The following CLYBL variants were observed in gnomAD, a reference collection of about 807,000 sequenced individuals.
The protein encoded by CLYBL is citramalyl-CoA lyase, mitochondrial.
Under a neutral mutation model 38.9 loss-of-function variants are expected in CLYBL, and 31 were observed. That is an observed-to-expected ratio of 0.80 (90% CI 0.60 to 1.08). CLYBL has a LOEUF of 1.08. Among genes scored for constraint, CLYBL ranks in the 50% least tolerant of loss-of-function variants. The probability of loss-of-function intolerance (pLI) is 0.00; values close to 1 mark genes in which losing one functional copy is unlikely to be tolerated. For synonymous variants in CLYBL, 171 were observed against 158.6 expected (o/e 1.08, Z -0.59); for missense variants, 434 against 411.6 (o/e 1.05, Z -0.47).
intron 2 of CLYBL, among the ~76,000 whole-genome samples, chr13:99,790,769 G>A (rs1249597712): frequency 6.6e-6 from 1 of 152,140 alleles, no homozygotes; most frequent in African/African-American, 2.4e-5. Context: ...TCAGGCAGTG[G>A]CACAACTGGA....
At chr13:99,907,880 T>C (rs912620213) in intron 9 of CLYBL, among the ~76,000 whole-genome samples, 2 of 152,170 alleles carry the variant, frequency 1.3e-5, no homozygotes, top group African/African-American at 4.8e-5. Flanking sequence ...TGGTTTCATA[T>C]GATTTGAAAC....
At chr13:99,884,666 G>A (rs545535949) in intron 7 of CLYBL, among the ~76,000 whole-genome samples, 3 of 152,194 alleles carry the variant, frequency 2.0e-5, no homozygotes, top group Admixed American at 6.5e-5. Flanking sequence ...GCCTGCTGTC[G>A]TAAGTCCCTG....
At chr13:99,689,371 CACAG>C in intron 1 of CLYBL, among the ~76,000 whole-genome samples, 1 of 152,192 alleles carries the variant, frequency 6.6e-6, no homozygotes, top group Non-Finnish European at 1.5e-5. Flanking sequence ...TTCTTGCAAT[CACAG>C]ACAGGTTGTC....
chr13:99,807,761 A>T (rs2050260585), intron 2 of CLYBL, among the ~76,000 whole-genome samples: 1 of 152,156 alleles, frequency 6.6e-6, no homozygotes, highest in Admixed American at 6.5e-5. Context: ...GCCAGTGTAC[A>T]CTCTAAAGGG....
chr13:99,811,548 A>G (rs183254026), intron 2 of CLYBL, among the ~76,000 whole-genome samples: 4 of 152,266 alleles, frequency 2.6e-5, no homozygotes, highest in Non-Finnish European at 5.9e-5. Context: ...GAAGCTGAGA[A>G]GCGGCTGGAG....
In CLYBL at chr13:99,622,202, G is replaced by A. The variant is rs368662265; in HGVS notation, c.62+15445G>A. Among the ~76,000 whole-genome samples the A allele has an allele frequency of 2.5e-4, 38 of 152,306 alleles. No individual in the cohort carries two copies. The South Asian group carries it at 7.5e-3, about 30-fold the overall frequency. On this transcript the variant is annotated intron_variant, in intron 1 of 8. Coordinates refer to ENST00000339105, the MANE Select transcript of CLYBL (RefSeq NM_206808.5). ...CCCACCTGGATAACCAGGGCCAGTC[G>A]CCCCAACTCAGGGTCAGCTGATTAG...
intron 1 of CLYBL, among the ~76,000 whole-genome samples, chr13:99,741,597 A>G (rs1184149125): frequency 6.6e-6 from 1 of 152,234 alleles, no homozygotes; most frequent in African/African-American, 2.4e-5. Context: ...CGCCGCCCAG[A>G]CAAGAGTGCA....
chr13:99,907,748 A>G (rs1252106075), intron 9 of CLYBL, among the ~76,000 whole-genome samples: 2 of 152,160 alleles, frequency 1.3e-5, no homozygotes, highest in African/African-American at 4.8e-5. Context: ...AGTCCCAGCT[A>G]CTCAGGAGAC....
chr13:99,745,223 A>G (rs1338139935), intron 1 of CLYBL, among the ~76,000 whole-genome samples: 3 of 152,374 alleles, frequency 2.0e-5, no homozygotes, highest in East Asian at 3.9e-4. Flanking sequence ...AAATGGAATT[A>G]AGTCACAAAT....
chr13:99,688,732 TG>T (rs920153576), intron 1 of CLYBL, among the ~76,000 whole-genome samples: 2 of 152,254 alleles, frequency 1.3e-5, no homozygotes, highest in African/African-American at 4.8e-5. Flanking sequence ...CTGCATGGAA[TG>T]GAGGATCTGA....
intron 1 of CLYBL, among the ~76,000 whole-genome samples, chr13:99,656,564 C>T (rs1402637745): frequency 1.3e-5 from 2 of 152,190 alleles, no homozygotes. Flanking sequence ...CGCATTTTTA[C>T]TGTTCTCCTA....
intron 1 of CLYBL, among the ~76,000 whole-genome samples, chr13:99,742,912 A>G (rs145113124): frequency 1.5e-4 from 23 of 151,738 alleles, no homozygotes; most frequent in Non-Finnish European, 2.9e-4. Context: ...TGTTTATTTC[A>G]TTTGGTGGCT....
intron 2 of CLYBL, among the ~76,000 whole-genome samples, chr13:99,778,245 GT>G (rs925323982): frequency 6.6e-6 from 1 of 151,942 alleles, no homozygotes; most frequent in African/African-American, 2.4e-5. Flanking sequence ...TCTTAATCAT[GT>G]TTCTTATTTG....
intron 1 of CLYBL, chr13:99,690,035 A>G (rs1180350333): frequency 6.6e-6 from 1 of 152,210 alleles, no homozygotes; most frequent in Non-Finnish European, 1.5e-5. Context: ...TGTGGATGAA[A>G]TTTACATGTG....
intron 2 of CLYBL, among the ~76,000 whole-genome samples, chr13:99,790,522 T>C (rs1280059747): frequency 3.3e-5 from 5 of 152,212 alleles, no homozygotes; most frequent in Admixed American, 3.3e-4. Context: ...GAATGTTGAA[T>C]ATTGGCCCCC....
intron 1 of CLYBL, among the ~76,000 whole-genome samples, chr13:99,644,360 C>G (rs1018508440): frequency 6.6e-6 from 1 of 151,972 alleles, no homozygotes; most frequent in Non-Finnish European, 1.5e-5. Context: ...TACCTTAAGA[C>G]TATTTATTTT....
At chr13:99,889,795 T>G (rs2052441984) in intron 7 of CLYBL, among the ~76,000 whole-genome samples, 1 of 152,168 alleles carries the variant, frequency 6.6e-6, no homozygotes, top group African/African-American at 2.4e-5. Flanking sequence ...TCAGCCCTCA[T>G]CATGAGAGCC....
chr13:99,731,132 G>A (rs1484364254), intron 1 of CLYBL, among the ~76,000 whole-genome samples: 1 of 150,784 alleles, frequency 6.6e-6, no homozygotes. Context: ...AGGAGAGGAG[G>A]GGTCCTGGTT....
At chr13:99,901,645 G>GTTTTTGGTTTTTTGGATTTTTTTGT (rs2052644358), downstream of CLYBL, among the ~76,000 whole-genome samples, 1 of 127,196 alleles carries the variant, frequency 7.9e-6, no homozygotes, top group Non-Finnish European at 1.7e-5. Context: ...GGATTTTTTT[G>GTTTTTGGTTTTTTGGATTTTTTTGT]TTTTTTTTTT....
Sources: allele counts gnomAD v4.1 joint callset (sites outside exome capture counted in the v4.1 genomes callset), GRCh38; gene constraint gnomAD v4.1.1; transcripts MANE v1.5; gene names NCBI Gene and HGNC (gene_info 2026-07-23, HGNC 2026-07-21).